NPAS3: variants seen among roughly 807,000 people sequenced by gnomAD.
NPAS3 encodes neuronal PAS domain-containing protein 3.
Under a neutral mutation model 73.1 loss-of-function variants are expected in NPAS3, and 14 were observed. That is an observed-to-expected ratio of 0.19 (90% CI 0.13 to 0.30). The LOEUF (loss-of-function observed/expected upper bound fraction) is 0.30. Ranked by LOEUF, NPAS3 falls within the 10% of genes least tolerant of loss-of-function variation. NPAS3 has a pLI of 1.00. For missense variants in NPAS3, 1,096 were observed against 1,250.0 expected, an observed-to-expected ratio of 0.88 and a Z score of 1.86; for synonymous variants, 620 against 541.5, an observed-to-expected ratio of 1.14 and a Z score of -2.01.
chr14:33,565,872 C>G (rs956005021), intron 5 of NPAS3, among the ~76,000 whole-genome samples: 1 of 151,830 alleles, frequency 6.6e-6, no homozygotes, highest in African/African-American at 2.4e-5. Context: ...CAAAACGTTT[C>G]AAGTAGACAT....
At chr14:33,533,866 CAT>C (rs2054144991) in intron 4 of NPAS3, among the ~76,000 whole-genome samples, 2 of 152,006 alleles carry the variant, frequency 1.3e-5, no homozygotes, top group African/African-American at 2.4e-5. Context: ...ATACATATCA[CAT>C]GTCATATACA....
At chr14:33,542,091 T>A (rs2054548395) in intron 4 of NPAS3, among the ~76,000 whole-genome samples, 1 of 152,218 alleles carries the variant, frequency 6.6e-6, no homozygotes, top group African/African-American at 2.4e-5. Flanking sequence ...TGTATATACA[T>A]ATTTGGCTGC....
intron 4 of NPAS3, among the ~76,000 whole-genome samples, chr14:33,467,733 C>T (rs1332948293): frequency 2.0e-5 from 3 of 152,014 alleles, no homozygotes; most frequent in Non-Finnish European, 4.4e-5. Flanking sequence ...GGAGCATGTG[C>T]GGCAGGGCTC....
rs190515919 is a variant in NPAS3, at chr14:33,571,957, C to T, written c.558+11747C>T. On this transcript the variant is annotated intron_variant, in intron 5 of 11. Coordinates refer to ENST00000356141, the Ensembl canonical transcript of NPAS3. ...ACTTGAGTTCTCACAGATACCTCATCGCTACCCTTTTATTGTGGGCTAATG... is the reference window on the plus strand; with the variant it reads ...ACTTGAGTTCTCACAGATACCTCATTGCTACCCTTTTATTGTGGGCTAATG... Among the ~76,000 whole-genome samples the T allele has an allele frequency of 2.1e-3, 326 of 152,272 alleles. 4 individuals carry two copies. Among genetic ancestry groups the T allele is most frequent in the Admixed American group, 7.7e-3 (117 of 15,288 alleles).
chr14:33,693,626 A>G (rs2060294444), intron 6 of NPAS3, among the ~76,000 whole-genome samples: 1 of 152,188 alleles, frequency 6.6e-6, no homozygotes, highest in Admixed American at 6.6e-5. Context: ...AGTTTCTTGT[A>G]ATTATCTCTT....
intron 3 of NPAS3, among the ~76,000 whole-genome samples, chr14:33,244,315 T>C (rs964058016): frequency 3.3e-5 from 5 of 152,292 alleles, no homozygotes; most frequent in Non-Finnish European, 7.4e-5. Flanking sequence ...AAAATTATTT[T>C]CTGTTTTTAA....
At chr14:32,990,541 A>G (rs2038288807) in intron 1 of NPAS3, among the ~76,000 whole-genome samples, 1 of 152,136 alleles carries the variant, frequency 6.6e-6, no homozygotes, top group Non-Finnish European at 1.5e-5. Context: ...GTAATAATGG[A>G]AGGCTACCAG....
intron 2 of NPAS3, among the ~76,000 whole-genome samples, chr14:33,152,541 G>T (rs2044487445): frequency 6.6e-6 from 1 of 152,064 alleles, no homozygotes; most frequent in African/African-American, 2.4e-5. Flanking sequence ...CTGGGAAAGG[G>T]TATATGAAAA....
intron 7 of NPAS3, among the ~76,000 whole-genome samples, chr14:33,772,243 G>A (rs1470006756): frequency 2.0e-5 from 3 of 152,192 alleles, no homozygotes; most frequent in Admixed American, 6.5e-5. Context: ...AGGAAATTGA[G>A]ACACAGAGAG....
intron 3 of NPAS3, among the ~76,000 whole-genome samples, chr14:33,232,489 T>C (rs979009406): frequency 1.3e-5 from 2 of 152,222 alleles, no homozygotes; most frequent in Non-Finnish European, 2.9e-5. Flanking sequence ...TGTTAAGTAG[T>C]GTCAGGTTTA....
chr14:33,453,948 C>T (rs1048226727), intron 4 of NPAS3, among the ~76,000 whole-genome samples: 6 of 152,200 alleles, frequency 3.9e-5, no homozygotes, highest in African/African-American at 1.4e-4. Context: ...CCTCTACCTC[C>T]CAAAGTGCTG....
At chr14:33,406,517 A>G (rs2047675367) in intron 4 of NPAS3, among the ~76,000 whole-genome samples, 1 of 152,146 alleles carries the variant, frequency 6.6e-6, no homozygotes, top group Non-Finnish European at 1.5e-5. Context: ...GGCATCTAAC[A>G]GAAGACGGCA....
intron 6 of NPAS3, among the ~76,000 whole-genome samples, chr14:33,712,280 C>G (rs898553506): frequency 4.6e-5 from 7 of 152,140 alleles, no homozygotes; most frequent in African/African-American, 1.2e-4. Context: ...CAAAACACCC[C>G]CCACCAAATG....
chr14:33,572,331 A>C (rs756756155), intron 5 of NPAS3, among the ~76,000 whole-genome samples: 1 of 152,162 alleles, frequency 6.6e-6, no homozygotes, highest in Non-Finnish European at 1.5e-5. Context: ...ACAAGAAAGA[A>C]AGGAAAGGAC....
chr14:33,541,096 G>GGTGT (rs140503260), intron 4 of NPAS3, among the ~76,000 whole-genome samples: 3,276 of 142,722 alleles, frequency 0.023, 57 homozygotes, highest in Middle Eastern at 0.056. Flanking sequence ...TATGTTTAGA[G>GGTGT]GTGTGTGTGT....
intron 1 of NPAS3, among the ~76,000 whole-genome samples, chr14:33,028,417 TG>T (rs1434431702): frequency 6.6e-6 from 1 of 152,130 alleles, no homozygotes. Context: ...TGAACAATAG[TG>T]GGAATGATAA....
intron 1 of NPAS3, among the ~76,000 whole-genome samples, chr14:33,012,530 G>A (rs911221062): frequency 1.3e-5 from 2 of 150,534 alleles, no homozygotes; most frequent in African/African-American, 4.9e-5. Flanking sequence ...AGTATATAAT[G>A]TTTTCAGCCT....
chr14:33,389,286 T>C (rs1594816891), intron 4 of NPAS3, among the ~76,000 whole-genome samples: 1 of 152,374 alleles, frequency 6.6e-6, no homozygotes, highest in East Asian at 1.9e-4. Flanking sequence ...GGAAATTATA[T>C]ATGTTTCCTT....
intron 3 of NPAS3, chr14:33,215,692 A>G (rs1230706122): frequency 3.1e-5 from 20 of 655,544 alleles, no homozygotes; most frequent in Non-Finnish European, 4.6e-5. Context: ...GAAATGACAC[A>G]TTAAAATGCT....
Sources: allele counts gnomAD v4.1 joint callset (sites outside exome capture counted in the v4.1 genomes callset), GRCh38; gene constraint gnomAD v4.1.1; transcripts MANE v1.5; gene names NCBI Gene and HGNC (gene_info 2026-07-23, HGNC 2026-07-21).